Variants in ROBO2 observed in about 807,000 individuals in gnomAD.
ROBO2 encodes roundabout homolog 2.
ROBO2 carries 53 observed loss-of-function variants against 160.8 expected under a neutral mutation model. The ratio of observed to expected loss-of-function variants is 0.33; its 90% CI spans 0.26 to 0.41. The LOEUF (loss-of-function observed/expected upper bound fraction) is 0.41, where lower values mean the gene tolerates loss of function less well. Ranked by LOEUF, ROBO2 falls within the 10% of genes least tolerant of loss-of-function variation. The pLI, the probability that ROBO2 is intolerant of heterozygous loss-of-function variation, is 1.00. For missense variants in ROBO2, 1,577 were observed against 1,722.4 expected (o/e 0.92, Z 1.49); for synonymous variants, 664 against 611.7 (o/e 1.09, Z -1.26).
chr3:76,674,724 T>TG lies in ROBO2; in HGVS notation c.110-423286dup, dbSNP rs78065909. The stretch of plus-strand genomic sequence containing the variant: ...AAACCAGATTCTGAATTGGTGGCAC[T>TG]GGGGTGGGCCTGAGATTCTGTCTGC... On this transcript the variant is annotated intron_variant, in intron 2 of 26. Coordinates refer to the ROBO2 transcript ENST00000487694. Among the ~76,000 whole-genome samples, 35 of 152,228 alleles carry TG rather than the reference T, an allele frequency of 2.3e-4. 2 individuals carry two copies. In the East Asian group the frequency reaches 6.6e-3, roughly 29 times the overall value.
exon 22 of ROBO2, chr3:77,617,625 G>C: frequency 1.2e-6 from 2 of 1,614,134 alleles, no homozygotes; most frequent in Non-Finnish European, 1.7e-6. Flanking sequence ...TCCTGTTCGA[G>C]GCGTGGCTTC....
chr3:76,427,272 A>C (rs1428712828), intron 2 of ROBO2, among the ~76,000 whole-genome samples: 3 of 151,282 alleles, frequency 2.0e-5, no homozygotes, highest in Non-Finnish European at 4.4e-5. Context: ...TAAAAAAAAA[A>C]ACCACTCGCT....
chr3:77,273,854 G>A (rs891282086), intron 2 of ROBO2, among the ~76,000 whole-genome samples: 3 of 152,062 alleles, frequency 2.0e-5, no homozygotes, highest in East Asian at 3.9e-4. Flanking sequence ...CATCACCATC[G>A]TGTCATGAAT....
chr3:76,837,939 G>A (rs1469420480), intron 2 of ROBO2, among the ~76,000 whole-genome samples: 6 of 151,850 alleles, frequency 4.0e-5, no homozygotes, highest in African/African-American at 1.5e-4. Flanking sequence ...GTTCAATTTG[G>A]AGTATTTTCC....
chr3:77,059,846 C>T (rs564830723), intron 1 of ROBO2, among the ~76,000 whole-genome samples: 1 of 152,168 alleles, frequency 6.6e-6, no homozygotes, highest in South Asian at 2.1e-4. Flanking sequence ...TTGCTCATCT[C>T]ATTTTTGTTG....
intron 2 of ROBO2, among the ~76,000 whole-genome samples, chr3:76,297,595 G>A (rs771543913): frequency 2.7e-5 from 4 of 150,152 alleles, no homozygotes; most frequent in Admixed American, 6.7e-5. Context: ...TTAAAATGGC[G>A]CCTAATTATT....
intron 2 of ROBO2, among the ~76,000 whole-genome samples, chr3:76,998,098 A>G (rs2061127155): frequency 6.6e-6 from 1 of 152,144 alleles, no homozygotes; most frequent in South Asian, 2.1e-4. Flanking sequence ...GGTGGAGAGA[A>G]TCTATCTCTT....
At chr3:77,562,391 G>A (rs1322065522) in intron 9 of ROBO2, among the ~76,000 whole-genome samples, 1 of 151,946 alleles carries the variant, frequency 6.6e-6, no homozygotes, top group Non-Finnish European at 1.5e-5. Context: ...GAAAAAGAGA[G>A]GGGCAAATTG....
chr3:76,994,077 A>G (rs1176710679), intron 2 of ROBO2, among the ~76,000 whole-genome samples: 6 of 129,038 alleles, frequency 4.6e-5, no homozygotes, highest in Non-Finnish European at 8.0e-5. Context: ...AAAAACAAAG[A>G]TGTGCTTTTT....
At chr3:76,136,623 A>C (rs2106720814) in intron 2 of ROBO2, among the ~76,000 whole-genome samples, 1 of 152,206 alleles carries the variant, frequency 6.6e-6, no homozygotes, top group East Asian at 1.9e-4. Context: ...TCCATTCATA[A>C]GTACTTAACT....
At chr3:77,067,969 A>G (rs2067038332) in intron 1 of ROBO2, among the ~76,000 whole-genome samples, 1 of 152,170 alleles carries the variant, frequency 6.6e-6, no homozygotes, top group South Asian at 2.1e-4. Flanking sequence ...AGACATAAAC[A>G]TCAGTTCTAA....
chr3:76,605,447 T>G lies in ROBO2; in HGVS notation c.110-492567T>G, dbSNP rs28672743. Among the ~76,000 whole-genome samples the G allele has an allele frequency of 6.0e-3, 913 of 152,216 alleles. 15 individuals are homozygous for G. The highest frequency in any genetic ancestry group is 0.02 in the African/African-American group (814 of 41,558). On this transcript the variant is annotated intron_variant, in intron 2 of 26. Coordinates refer to the ROBO2 transcript ENST00000487694. ...CAAAATGAAATTGAGCTAGAAAACA[T>G]TTAAACAAGTTCATGGAAGTGTCAA...
intron 2 of ROBO2, among the ~76,000 whole-genome samples, chr3:76,598,915 G>C (rs1461125337): frequency 6.6e-6 from 1 of 152,104 alleles, no homozygotes; most frequent in Non-Finnish European, 1.5e-5. Context: ...TAATAACCTT[G>C]TTTGGAACAC....
intron 2 of ROBO2, among the ~76,000 whole-genome samples, chr3:76,316,637 A>G (rs1321613922): frequency 1.3e-5 from 2 of 152,218 alleles, no homozygotes; most frequent in African/African-American, 2.4e-5. Flanking sequence ...CATGAAGTTA[A>G]CAGGATTAGG....
chr3:76,609,106 C>G (rs2087880295), intron 2 of ROBO2, among the ~76,000 whole-genome samples: 1 of 152,216 alleles, frequency 6.6e-6, no homozygotes, highest in South Asian at 2.1e-4. Context: ...GCACCATTTA[C>G]TGAAGAGACT....
chr3:76,990,879 T>C (rs188033623), intron 2 of ROBO2, among the ~76,000 whole-genome samples: 2 of 152,208 alleles, frequency 1.3e-5, no homozygotes, highest in African/African-American at 4.8e-5. Context: ...TGAGCATGCA[T>C]ACAGCTCCAG....
intron 2 of ROBO2, among the ~76,000 whole-genome samples, chr3:76,826,426 G>A (rs1163398713): frequency 6.6e-6 from 1 of 152,072 alleles, no homozygotes; most frequent in Non-Finnish European, 1.5e-5. Context: ...GTAATCAGTG[G>A]ATGAGTTTAT....
At chr3:75,996,364 C>T (rs2065725877) in intron 2 of ROBO2, among the ~76,000 whole-genome samples, 1 of 152,186 alleles carries the variant, frequency 6.6e-6, no homozygotes, top group Admixed American at 6.5e-5. Flanking sequence ...GTTTCCCCTC[C>T]TGGCACTCAT....
At chr3:77,282,852 A>G (rs1051665969) in intron 2 of ROBO2, among the ~76,000 whole-genome samples, 2 of 152,000 alleles carry the variant, frequency 1.3e-5, no homozygotes, top group Admixed American at 6.6e-5. Flanking sequence ...TCTAGAGTGA[A>G]CGCTTTACTA....
Sources: allele counts gnomAD v4.1 joint callset (sites outside exome capture counted in the v4.1 genomes callset), GRCh38; gene constraint gnomAD v4.1.1; transcripts MANE v1.5; gene names NCBI Gene and HGNC (gene_info 2026-07-23, HGNC 2026-07-21).